SMAD4: variants seen among roughly 807,000 people sequenced by gnomAD.
SMAD4 encodes the protein MAD homolog 4.
Under a neutral mutation model 63.2 loss-of-function variants are expected in SMAD4, and 7 were observed. The ratio of observed to expected loss-of-function variants is 0.11; its 90% CI spans 0.06 to 0.21. The LOEUF is 0.21. Among genes scored for constraint, SMAD4 ranks in the 10% least tolerant of loss-of-function variants. The probability of loss-of-function intolerance (pLI) is 1.00; values close to 1 mark genes in which losing one functional copy is unlikely to be tolerated. For synonymous variants in SMAD4, 215 were observed against 235.4 expected, an observed-to-expected ratio of 0.91 and a Z score of 0.79; for missense variants, 312 against 693.8, an observed-to-expected ratio of 0.45 and a Z score of 6.18.
At chr18:51,065,055 T>A (rs1219223919) in intron 8 of SMAD4, among the ~76,000 whole-genome samples, 1 of 152,190 alleles carries the variant, frequency 6.6e-6, no homozygotes, top group African/African-American at 2.4e-5. Flanking sequence ...CATGGTAAAA[T>A]AATTTATTTT....
intron 10 of SMAD4, among the ~76,000 whole-genome samples, chr18:51,068,955 A>G (rs915153432): frequency 2.0e-5 from 3 of 152,146 alleles, no homozygotes; most frequent in Admixed American, 2.0e-4. Context: ...TACATAGACT[A>G]TGATCTCATT....
intron 9 of SMAD4, among the ~76,000 whole-genome samples, chr18:51,066,480 A>G (rs1051102229): frequency 6.6e-6 from 1 of 152,122 alleles, no homozygotes; most frequent in Non-Finnish European, 1.5e-5. Context: ...TCTTGGCTCT[A>G]TCACTTGCTG....
chr18:51,077,034 A>G (rs942192373), intron 11 of SMAD4: 51 of 266,610 alleles, frequency 1.9e-4, no homozygotes, highest in African/African-American at 1.0e-3. Context: ...ATACTGTTCT[A>G]TCTCCTCCTT....
intron 10 of SMAD4, among the ~76,000 whole-genome samples, chr18:51,067,441 T>C (rs1910195885): frequency 6.6e-6 from 1 of 152,088 alleles, no homozygotes; most frequent in African/African-American, 2.4e-5. Context: ...AGACAGAGTC[T>C]TGCTCTCGTC....
intron 1 of SMAD4, among the ~76,000 whole-genome samples, chr18:51,036,915 T>C (rs539560051): frequency 6.6e-6 from 1 of 152,194 alleles, no homozygotes; most frequent in Non-Finnish European, 1.5e-5. Context: ...CTCAGCACTT[T>C]GGGAGGCCAA....
intron 4 of SMAD4, chr18:51,051,238 G>C: frequency 2.7e-6 from 1 of 366,592 alleles, no homozygotes; most frequent in Non-Finnish European, 5.3e-6. Flanking sequence ...CACTGTTATT[G>C]ATGGGATTGT....
At chr18:51,049,367 A>G (rs746337560) in intron 4 of SMAD4, 43 bp downstream of exon 4, 13 of 1,476,504 alleles carry the variant, frequency 8.8e-6, no homozygotes, top group South Asian at 4.5e-5. Flanking sequence ...GTTTTGTCCT[A>G]TCCTCTCTGT....
intron 9 of SMAD4, among the ~76,000 whole-genome samples, chr18:51,066,527 A>G (rs560021670): frequency 6.6e-6 from 1 of 152,300 alleles, no homozygotes; most frequent in South Asian, 2.1e-4. Context: ...CCTCTAAGCC[A>G]TTCTGCCTAA....
In SMAD4 at chr18:51,066,975, A is replaced by T. The variant is rs1401179512; in HGVS notation, c.1140-44A>T. ...ACAATCTGAACTAAAATTTAATTTA[A>T]AATACTTATCAAGATAAAATGTAAT... On this transcript the variant is annotated intron_variant, in intron 9 of 11. Transcript: ENST00000342988. 5 of 1,472,424 alleles carry T rather than the reference A, an allele frequency of 3.4e-6. No individual in the cohort carries two copies. In the Admixed American group the frequency reaches 8.4e-5, roughly 25 times the overall value. 91.2% of individuals were successfully genotyped at this position (1,472,424 alleles called of 1,614,324 possible). A position where few individuals can be genotyped will look rare whatever the true frequency, so the allele number is the denominator to read the frequency against.
At chr18:51,040,503 A>G (rs1017697458) in intron 1 of SMAD4, among the ~76,000 whole-genome samples, 2 of 152,242 alleles carry the variant, frequency 1.3e-5, no homozygotes, top group African/African-American at 4.8e-5. Flanking sequence ...AAACACTTAC[A>G]ACTTCTAGAA....
chr18:51,081,537 A>G lies in SMAD4; in HGVS notation c.*3070A>G, dbSNP rs960225183. 9.5e-5 allele frequency: 22 copies of G among 232,126 alleles called. No individual in the cohort carries two copies. In the East Asian group the frequency reaches 1.2e-3, roughly 13 times the overall value. 14.4% of individuals were successfully genotyped at this position (232,126 alleles called of 1,614,324 possible). ...TGTAACCACTAAATAGGTTGCCTATACCATTCCTCCTGTGAACAGTGCAGA... is the reference window on the plus strand; with the variant it reads ...TGTAACCACTAAATAGGTTGCCTATGCCATTCCTCCTGTGAACAGTGCAGA... On this transcript the variant is annotated 3_prime_UTR_variant, in exon 12 of 12. Coordinates refer to ENST00000342988, the MANE Select transcript of SMAD4 (RefSeq NM_005359.6).
At chr18:51,064,712 T>A (rs1376200112) in intron 8 of SMAD4, among the ~76,000 whole-genome samples, 1 of 152,202 alleles carries the variant, frequency 6.6e-6, no homozygotes, top group Non-Finnish European at 1.5e-5. Context: ...ACTAAATACA[T>A]CTCCAAAGTT....
intron 8 of SMAD4, among the ~76,000 whole-genome samples, chr18:51,062,853 T>TTTTTC (rs1910053810): frequency 8.5e-6 from 1 of 117,424 alleles, no homozygotes; most frequent in Non-Finnish European, 1.8e-5. Flanking sequence ...CTTTACTTGT[T>TTTTTC]TTTTTTTTTT....
At chr18:51,035,055 A>G (rs939658486) in intron 1 of SMAD4, among the ~76,000 whole-genome samples, 2 of 152,210 alleles carry the variant, frequency 1.3e-5, no homozygotes, top group Admixed American at 1.3e-4. Context: ...ATACAGTGTT[A>G]CACACATGTA....
chr18:51,076,435 A>G (rs951359965), intron 10 of SMAD4, among the ~76,000 whole-genome samples: 4 of 152,236 alleles, frequency 2.6e-5, no homozygotes, highest in Non-Finnish European at 4.4e-5. Context: ...TGATGTTGAC[A>G]TGATCTTCTT....
chr18:51,047,322 C>T (rs1157190435), intron 2 of SMAD4, 27 bp downstream of exon 2: 2 of 1,605,502 alleles, frequency 1.2e-6, no homozygotes. Flanking sequence ...TTTTTCTATA[C>T]CCTCTATGGT....
intron 1 of SMAD4, among the ~76,000 whole-genome samples, chr18:51,042,371 T>TCCTCCCTCCCTG (rs1340255240): frequency 1.5e-5 from 2 of 134,776 alleles, no homozygotes; most frequent in African/African-American, 2.7e-5. Context: ...TCTTTTTCCT[T>TCCTCCCTCCCTG]CCTCCCTCCC....
At chr18:51,044,330 A>G (rs887601605) in intron 1 of SMAD4, among the ~76,000 whole-genome samples, 3 of 152,124 alleles carry the variant, frequency 2.0e-5, no homozygotes, top group Non-Finnish European at 4.4e-5. Context: ...ATTTTTTTAG[A>G]CAGATTTTAA....
At chr18:51,049,539 A>AAG (rs1909644423) in intron 4 of SMAD4, 1 of 524,264 alleles carries the variant, frequency 1.9e-6, no homozygotes, top group Non-Finnish European at 3.4e-6. Context: ...TTGAACTGCA[A>AAG]TTTATGAACT....
Sources: allele counts gnomAD v4.1 joint callset (sites outside exome capture counted in the v4.1 genomes callset), GRCh38; gene constraint gnomAD v4.1.1; transcripts MANE v1.5; gene names NCBI Gene and HGNC (gene_info 2026-07-23, HGNC 2026-07-21).